GTF2E2: variants seen among roughly 807,000 people sequenced by gnomAD.
GTF2E2 encodes the protein transcription initiation factor IIE subunit beta.
Under a neutral mutation model 40.5 loss-of-function variants are expected in GTF2E2, and 21 were observed. The ratio of observed to expected loss-of-function variants is 0.52; its 90% CI spans 0.37 to 0.75. The LOEUF (loss-of-function observed/expected upper bound fraction) is 0.75. GTF2E2 is among the 30% of genes least tolerant of loss of function. The pLI is 0.00. For missense variants in GTF2E2, 298 were observed against 338.4 expected (o/e 0.88, Z 0.94); for synonymous variants, 117 against 121.6 (o/e 0.96, Z 0.25).
intron 3 of GTF2E2, among the ~76,000 whole-genome samples, chr8:30,629,376 T>C (rs889964024): frequency 6.6e-6 from 1 of 152,114 alleles, no homozygotes; most frequent in Admixed American, 6.5e-5. Flanking sequence ...AACTTCAGCA[T>C]GTATCACAAT....
chr8:30,653,677 A>G (rs1586014218), intron 1 of GTF2E2, 75 bp from the exon 2 acceptor site: 4 of 1,012,418 alleles, frequency 4.0e-6, no homozygotes, highest in African/African-American at 3.3e-5. Flanking sequence ...ACAGATCTCA[A>G]CAAGTTACTT....
intron 3 of GTF2E2, among the ~76,000 whole-genome samples, chr8:30,627,975 T>C (rs988767467): frequency 1.3e-5 from 2 of 152,330 alleles, no homozygotes; most frequent in East Asian, 1.9e-4. Context: ...TGACAAGACA[T>C]TGGATTTCAA....
chr8:30,580,550 G>A (rs976746996), intron 6 of GTF2E2, among the ~76,000 whole-genome samples, 154 bp from the exon 7 acceptor site: 1 of 152,162 alleles, frequency 6.6e-6, no homozygotes, highest in Non-Finnish European at 1.5e-5. Flanking sequence ...ATCCACATGT[G>A]GGACACGGTG....
At chr8:30,601,028 C>A (rs957015077) in intron 6 of GTF2E2, among the ~76,000 whole-genome samples, 2 of 152,228 alleles carry the variant, frequency 1.3e-5, no homozygotes, top group Non-Finnish European at 2.9e-5. Context: ...TGGAAACACA[C>A]ATTCCTTATA....
chr8:30,627,448 CAAAAAAAA>C (rs71539905), intron 3 of GTF2E2, among the ~76,000 whole-genome samples: 20 of 64,768 alleles, frequency 3.1e-4, no homozygotes, highest in East Asian at 3.0e-3. Context: ...ACCTCTCTTG[CAAAAAAAA>C]AAAAAAAAAA....
intron 7 of GTF2E2, 144 bp downstream of exon 7, chr8:30,580,137 G>C (rs780457465): frequency 2.2e-4 from 136 of 619,546 alleles, no homozygotes; most frequent in Non-Finnish European, 2.2e-4. Context: ...CTGCAGGCCT[G>C]CAATACCTCA....
chr8:30,636,054 C>T (rs959398284), intron 2 of GTF2E2, among the ~76,000 whole-genome samples: 1 of 152,160 alleles, frequency 6.6e-6, no homozygotes, highest in African/African-American at 2.4e-5. Flanking sequence ...ACACCCCCCT[C>T]TCCTTCTCTA....
chr8:30,600,004 G>T (rs111960161), intron 6 of GTF2E2, among the ~76,000 whole-genome samples: 3 of 151,966 alleles, frequency 2.0e-5, no homozygotes, highest in African/African-American at 7.3e-5. Flanking sequence ...AATAAATAAT[G>T]ATCTAAAACA....
intron 6 of GTF2E2, among the ~76,000 whole-genome samples, chr8:30,600,968 T>TGA (rs752082038): frequency 2.0e-5 from 3 of 152,248 alleles, no homozygotes; most frequent in Non-Finnish European, 4.4e-5. Flanking sequence ...TAAAGCATTC[T>TGA]GAGGCTAGAG....
intron 6 of GTF2E2, among the ~76,000 whole-genome samples, chr8:30,592,136 G>A (rs7818145): frequency 5.9e-5 from 9 of 152,112 alleles, no homozygotes; most frequent in African/African-American, 2.2e-4. Flanking sequence ...CTAGCACTCT[G>A]GGAAGCTGAG....
chr8:30,589,079 C>T (rs936849572), intron 6 of GTF2E2, among the ~76,000 whole-genome samples: 22 of 151,914 alleles, frequency 1.4e-4, no homozygotes, highest in African/African-American at 4.6e-4. Context: ...TGGTGAAACC[C>T]CATCTCTACT....
At chr8:30,589,114 G>A (rs373823834) in intron 6 of GTF2E2, among the ~76,000 whole-genome samples, 391 of 152,168 alleles carry the variant, frequency 2.6e-3, no homozygotes, top group African/African-American at 9.1e-3. Flanking sequence ...AAAATTATCC[G>A]GGCGTGGTGG....
chr8:30,618,896 A>G (rs1188067979), intron 3 of GTF2E2, among the ~76,000 whole-genome samples: 1 of 152,126 alleles, frequency 6.6e-6, no homozygotes, highest in Non-Finnish European at 1.5e-5. Context: ...AAGAATAAAA[A>G]CTGTCATATC....
At chr8:30,601,598 T>A (rs1829183117) in intron 6 of GTF2E2, among the ~76,000 whole-genome samples, 1 of 152,164 alleles carries the variant, frequency 6.6e-6, no homozygotes, top group Admixed American at 6.5e-5. Context: ...TCGAAAGCCC[T>A]GCTTAACCCC....
chr8:30,621,776 T>C (rs1467310399), intron 3 of GTF2E2, among the ~76,000 whole-genome samples: 5 of 152,070 alleles, frequency 3.3e-5, no homozygotes, highest in Non-Finnish European at 5.9e-5. Flanking sequence ...TCACATCATC[T>C]GTGGTTTTAC....
In GTF2E2 at chr8:30,580,353, G is replaced by A. The variant is rs112013012; in HGVS notation, c.687C>T (p.Asp229=). 4.5e-5 allele frequency: 72 copies of A among 1,608,582 alleles called. No individual in the cohort carries two copies. The African/African-American group carries it at 6.3e-4, about 14-fold the overall frequency. The change falls in exon 7 of 8, where the codon GAC becomes GAT. Residue 229 remains aspartate, a synonymous_variant. Coordinates refer to ENST00000355904, the MANE Select transcript of GTF2E2 (RefSeq NM_002095.6). The stretch of plus-strand genomic sequence containing the variant: ...TCAGATATTCTTCAATTTTCTCCTC[G>A]TCCATGGAATCTACAGTGACACTCC... ...LWRSVTVDSM[D]EEKIEEYLKR...
At chr8:30,626,664 C>T (rs943340524) in intron 3 of GTF2E2, among the ~76,000 whole-genome samples, 2 of 152,066 alleles carry the variant, frequency 1.3e-5, no homozygotes, top group African/African-American at 4.8e-5. Context: ...CAAACCTAGG[C>T]CCAGGAACAA....
chr8:30,640,247 A>C (rs1011381846), intron 2 of GTF2E2, among the ~76,000 whole-genome samples: 1 of 152,218 alleles, frequency 6.6e-6, no homozygotes, highest in Non-Finnish European at 1.5e-5. Context: ...TATGCTTAAA[A>C]GCACCTGAGA....
intron 6 of GTF2E2, among the ~76,000 whole-genome samples, chr8:30,580,841 T>C (rs1467167435): frequency 2.0e-5 from 3 of 151,844 alleles, no homozygotes; most frequent in Non-Finnish European, 1.5e-5. Context: ...CAACAATTTA[T>C]CTGCAAAAAA....
Sources: allele counts gnomAD v4.1 joint callset (sites outside exome capture counted in the v4.1 genomes callset), GRCh38; gene constraint gnomAD v4.1.1; transcripts MANE v1.5; gene names NCBI Gene and HGNC (gene_info 2026-07-23, HGNC 2026-07-21).